The following PTPRG variants were observed in gnomAD, a reference collection of about 807,000 sequenced individuals.
The protein encoded by PTPRG is protein tyrosine phosphatase receptor type G, also known as receptor-type tyrosine-protein phosphatase gamma.
A neutral mutation model predicts 165.3 loss-of-function variants in PTPRG; 102 were observed. The observed-to-expected ratio is 0.62, with a 90% CI of 0.53 to 0.73. PTPRG has a LOEUF of 0.73. Among genes scored for constraint, PTPRG ranks in the 30% least tolerant of loss-of-function variants. The pLI, the probability that PTPRG is intolerant of heterozygous loss-of-function variation, is 0.00. For missense variants in PTPRG, 1,866 were observed against 1,861.4 expected (o/e 1.00, Z -0.05); for synonymous variants, 675 against 669.5 (o/e 1.01, Z -0.13).
intron 1 of PTPRG, among the ~76,000 whole-genome samples, chr3:61,569,203 A>G (rs923605256): frequency 2.0e-5 from 3 of 152,222 alleles, no homozygotes; most frequent in Admixed American, 6.5e-5. Flanking sequence ...TGTTTTCTAA[A>G]CTAGGTGGCT....
chr3:61,983,445 G>A (rs937909718), intron 2 of PTPRG, among the ~76,000 whole-genome samples: 1 of 151,918 alleles, frequency 6.6e-6, no homozygotes, highest in Non-Finnish European at 1.5e-5. Flanking sequence ...ATTGAGAGAG[G>A]CATTAATAAG....
rs2038527661 is a variant in PTPRG at position 61,902,577 on chromosome 3, T to A, written c.191-87048T>A. Among the ~76,000 whole-genome samples the A allele has an allele frequency of 2.0e-5, 3 of 152,134 alleles. No individual in the cohort carries two copies. In the South Asian group the frequency reaches 6.2e-4, roughly 32 times the overall value. ...CATCAATAATAGTATCTGTCCTGAT[T>A]TCAGAGATAAAAGATGTAAGTTGTA... On this transcript the variant is annotated intron_variant, in intron 2 of 29. Transcript: ENST00000474889.
At chr3:61,955,005 T>A (rs1433280793) in intron 2 of PTPRG, among the ~76,000 whole-genome samples, 1 of 152,230 alleles carries the variant, frequency 6.6e-6, no homozygotes, top group Non-Finnish European at 1.5e-5. Flanking sequence ...GTTATCATCA[T>A]AGTATTATTT....
intron 1 of PTPRG, among the ~76,000 whole-genome samples, chr3:61,624,688 C>T (rs1701559027): frequency 6.6e-6 from 1 of 152,210 alleles, no homozygotes; most frequent in African/African-American, 2.4e-5. Context: ...GGTTCTGCAT[C>T]TGCAAAATGA....
chr3:61,586,320 CTATT>C (rs1286553537), intron 1 of PTPRG, among the ~76,000 whole-genome samples: 2 of 152,012 alleles, frequency 1.3e-5, no homozygotes, highest in Non-Finnish European at 2.9e-5. Context: ...GTTGTAGTAT[CTATT>C]TATGATGGAG....
chr3:61,958,105 C>G (rs966784171), intron 2 of PTPRG, among the ~76,000 whole-genome samples: 3 of 151,948 alleles, frequency 2.0e-5, no homozygotes. Context: ...TACAAATATT[C>G]AAGGACTTTT....
chr3:61,920,082 C>G (rs2107558921), intron 2 of PTPRG, among the ~76,000 whole-genome samples: 1 of 152,336 alleles, frequency 6.6e-6, no homozygotes. Flanking sequence ...AAGATGATCC[C>G]TGGTTGAGGT....
At chr3:62,066,827 C>G (rs757475709) in intron 4 of PTPRG, among the ~76,000 whole-genome samples, 15 of 152,092 alleles carry the variant, frequency 9.9e-5, no homozygotes, top group Admixed American at 7.2e-4. Context: ...ATCATGAGGT[C>G]AGGAGATCTA....
intron 1 of PTPRG, among the ~76,000 whole-genome samples, chr3:61,718,727 C>T (rs767980512): frequency 8.5e-5 from 13 of 152,302 alleles, no homozygotes; most frequent in Middle Eastern, 6.8e-3. Flanking sequence ...ACTCATAAGA[C>T]AGGCTGATGA....
intron 2 of PTPRG, among the ~76,000 whole-genome samples, chr3:61,804,046 TA>T (rs2035335138): frequency 6.6e-6 from 1 of 152,158 alleles, no homozygotes; most frequent in African/African-American, 2.4e-5. Context: ...TGCAGGTTCG[TA>T]GTAAAGAAAA....
chr3:62,285,611 C>G (rs1559763432), intron 28 of PTPRG, among the ~76,000 whole-genome samples: 1 of 150,678 alleles, frequency 6.6e-6, no homozygotes, highest in African/African-American at 2.4e-5. Context: ...AAAAAGTAAA[C>G]TGCTTCTATT....
At chr3:62,040,012 A>G (rs1700074122) in intron 4 of PTPRG, among the ~76,000 whole-genome samples, 1 of 152,218 alleles carries the variant, frequency 6.6e-6, no homozygotes, top group Non-Finnish European at 1.5e-5. Context: ...TTTCAGTGTT[A>G]AGTATTTTTT....
intron 2 of PTPRG, among the ~76,000 whole-genome samples, chr3:61,752,520 C>T (rs1319351109): frequency 1.3e-5 from 2 of 151,856 alleles, no homozygotes; most frequent in South Asian, 2.1e-4. Context: ...TGGCCGGGTG[C>T]GGTGGCTCAT....
At chr3:61,602,269 T>C (rs1700890067) in intron 1 of PTPRG, among the ~76,000 whole-genome samples, 1 of 152,120 alleles carries the variant, frequency 6.6e-6, no homozygotes, top group Admixed American at 6.5e-5. Flanking sequence ...AGTGTCTCGT[T>C]CATAGCTTAC....
At chr3:62,152,271 C>T (rs2106682591) in intron 6 of PTPRG, among the ~76,000 whole-genome samples, 1 of 151,610 alleles carries the variant, frequency 6.6e-6, no homozygotes, top group East Asian at 1.9e-4. Context: ...ACTCAGGAAG[C>T]TGAGAGGGGA....
At chr3:62,262,173 G>C (rs1429802136) in intron 16 of PTPRG, 1 of 152,136 alleles carries the variant, frequency 6.6e-6, no homozygotes, top group Non-Finnish European at 1.5e-5. Context: ...TCCAAAGAAG[G>C]ATAACTTTTA....
At chr3:61,764,620 A>T (rs2033957939) in intron 2 of PTPRG, among the ~76,000 whole-genome samples, 1 of 152,190 alleles carries the variant, frequency 6.6e-6, no homozygotes, top group Non-Finnish European at 1.5e-5. Flanking sequence ...CTGAACACAG[A>T]GGGACTGAGC....
chr3:61,854,652 G>A (rs1273010194), intron 2 of PTPRG, among the ~76,000 whole-genome samples: 1 of 152,154 alleles, frequency 6.6e-6, no homozygotes, highest in Non-Finnish European at 1.5e-5. Context: ...TGTGCTAGTG[G>A]ACTAGATATA....
At chr3:62,068,204 G>A (rs999427952) in intron 4 of PTPRG, among the ~76,000 whole-genome samples, 5 of 152,130 alleles carry the variant, frequency 3.3e-5, no homozygotes, top group African/African-American at 1.2e-4. Context: ...GATGTAAAAC[G>A]TTCAGAATCG....
Sources: allele counts gnomAD v4.1 joint callset (sites outside exome capture counted in the v4.1 genomes callset), GRCh38; gene constraint gnomAD v4.1.1; transcripts MANE v1.5; gene names NCBI Gene and HGNC (gene_info 2026-07-23, HGNC 2026-07-21).